TTC28: variants seen among roughly 807,000 people sequenced by gnomAD.
TTC28 encodes tetratricopeptide repeat protein 28.
A neutral mutation model predicts 198.0 loss-of-function variants in TTC28; 61 were observed. The ratio of observed to expected loss-of-function variants is 0.31; its 90% confidence interval spans 0.25 to 0.38. TTC28 has a LOEUF of 0.38. Ranked by LOEUF, TTC28 falls within the 10% of genes least tolerant of loss-of-function variation. TTC28 has a pLI of 1.00. For synonymous variants in TTC28, 1,171 were observed against 1,297.8 expected, an observed-to-expected ratio of 0.90 and a Z score of 2.10; for missense variants, 2,678 against 3,164.0, an observed-to-expected ratio of 0.85 and a Z score of 3.69.
intron 2 of TTC28, among the ~76,000 whole-genome samples, chr22:28,588,960 T>A (rs2050373803): frequency 6.6e-6 from 1 of 152,184 alleles, no homozygotes; most frequent in African/African-American, 2.4e-5. Context: ...GCCAGCAAGA[T>A]CAGATCCTAG....
chr22:28,051,850 C>A (rs978682998), intron 12 of TTC28, among the ~76,000 whole-genome samples: 1 of 152,076 alleles, frequency 6.6e-6, no homozygotes, highest in Non-Finnish European at 1.5e-5. Context: ...CAGTCTACAG[C>A]GAATTTATAT....
intron 2 of TTC28, among the ~76,000 whole-genome samples, chr22:28,337,916 A>G (rs1397302430): frequency 6.6e-6 from 1 of 152,120 alleles, no homozygotes; most frequent in Non-Finnish European, 1.5e-5. Context: ...TCGTTGGTTG[A>G]TGCAGTTTCT....
chr22:28,583,044 G>A (rs889228003), intron 2 of TTC28, among the ~76,000 whole-genome samples: 1 of 152,090 alleles, frequency 6.6e-6, no homozygotes, highest in Non-Finnish European at 1.5e-5. Context: ...TTCTTCCATA[G>A]TTACATGACG....
intron 2 of TTC28, among the ~76,000 whole-genome samples, chr22:28,484,887 C>G (rs1166635155): frequency 6.6e-6 from 1 of 152,160 alleles, no homozygotes; most frequent in Non-Finnish European, 1.5e-5. Context: ...CAGCTTGACA[C>G]AAAGTACACC....
At chr22:28,389,809 A>AT (rs1211763653) in intron 2 of TTC28, among the ~76,000 whole-genome samples, 1 of 149,834 alleles carries the variant, frequency 6.7e-6, no homozygotes, top group Admixed American at 6.6e-5. Flanking sequence ...GGATTCATTA[A>AT]TTTTTTGAAG....
intron 13 of TTC28, among the ~76,000 whole-genome samples, chr22:28,016,375 C>T (rs73880370): frequency 0.02 from 3,010 of 152,320 alleles, 97 homozygotes; most frequent in African/African-American, 0.069. Flanking sequence ...TTTGGCATGA[C>T]GCGCGGTGTC....
chr22:28,266,173 C>G (rs924442516), intron 5 of TTC28, among the ~76,000 whole-genome samples: 7 of 143,258 alleles, frequency 4.9e-5, no homozygotes, highest in Non-Finnish European at 9.1e-5. Flanking sequence ...GAGCGAGACT[C>G]TGTCTCAAAA....
chr22:28,004,935 A>G (rs1937876321), intron 14 of TTC28, among the ~76,000 whole-genome samples: 1 of 152,232 alleles, frequency 6.6e-6, no homozygotes, highest in Non-Finnish European at 1.5e-5. Context: ...CAGCCTCAGA[A>G]AGGGTGTCTG....
chr22:28,209,877 G>C (rs989993802), intron 5 of TTC28, among the ~76,000 whole-genome samples: 14 of 152,296 alleles, frequency 9.2e-5, no homozygotes, highest in African/African-American at 3.4e-4. Context: ...CTAACTGAGA[G>C]ACACCTCCCA....
intron 5 of TTC28, among the ~76,000 whole-genome samples, chr22:28,214,653 G>T (rs576048030): frequency 6.6e-6 from 1 of 152,198 alleles, no homozygotes; most frequent in Non-Finnish European, 1.5e-5. Flanking sequence ...AGAGGATGTG[G>T]AGAAATAGGA....
At position 28,552,932 on chromosome 22, in the gene TTC28, G is replaced by A. The variant is rs180776586; in HGVS notation, c.381+76620C>T. ...CTGTCGAGTGCCTGTGATTGCAGGC[G>A]CGCGCCACCATGCCTGACTGGTTTT... On this transcript the variant is annotated intron_variant, in intron 2 of 22. Transcript: ENST00000397906. Among the ~76,000 whole-genome samples, 615 of 152,244 alleles carry A rather than the reference G, an allele frequency of 4.0e-3. 6 individuals are homozygous for A. Among genetic ancestry groups the A allele is most frequent in the African/African-American group, 0.013 (530 of 41,566 alleles).
chr22:28,419,170 T>C (rs895088423), intron 2 of TTC28, among the ~76,000 whole-genome samples: 6 of 152,294 alleles, frequency 3.9e-5, no homozygotes, highest in Admixed American at 6.5e-5. Context: ...GAATCCTGTA[T>C]AACTCTCTGA....
chr22:28,594,312 C>T (rs117456789), intron 2 of TTC28, among the ~76,000 whole-genome samples: 4,327 of 149,150 alleles, frequency 0.029, 89 homozygotes, highest in Non-Finnish European at 0.048. Flanking sequence ...TTATTAATAG[C>T]AAGTAATATT....
intron 1 of TTC28, among the ~76,000 whole-genome samples, chr22:28,639,571 T>C (rs1019358890): frequency 3.3e-5 from 5 of 152,182 alleles, no homozygotes; most frequent in African/African-American, 9.7e-5. Context: ...TGGGAGCCAG[T>C]CTTTCCCATG....
At chr22:28,460,029 T>G (rs1394562837) in intron 2 of TTC28, 1 of 152,196 alleles carries the variant, frequency 6.6e-6, no homozygotes, top group Non-Finnish European at 1.5e-5. Flanking sequence ...AATTTTATTT[T>G]ACGTGTATTT....
At chr22:28,592,309 C>T (rs987615283) in intron 2 of TTC28, among the ~76,000 whole-genome samples, 3 of 152,018 alleles carry the variant, frequency 2.0e-5, no homozygotes, top group Non-Finnish European at 4.4e-5. Flanking sequence ...TATGATCATA[C>T]CACAGCATCT....
chr22:28,051,270 C>T (rs1166370848), intron 12 of TTC28, among the ~76,000 whole-genome samples: 1 of 152,200 alleles, frequency 6.6e-6, no homozygotes, highest in African/African-American at 2.4e-5. Context: ...CTTTGCAATC[C>T]CCCATCTCTG....
intron 12 of TTC28, among the ~76,000 whole-genome samples, chr22:28,083,965 G>A (rs527529144): frequency 6.6e-6 from 1 of 152,388 alleles, no homozygotes; most frequent in South Asian, 2.1e-4. Context: ...GGCTGTGGGA[G>A]GGGCGCCTGC....
At chr22:28,492,647 A>G (rs2048395392) in intron 2 of TTC28, among the ~76,000 whole-genome samples, 1 of 152,176 alleles carries the variant, frequency 6.6e-6, no homozygotes, top group African/African-American at 2.4e-5. Flanking sequence ...GAAACAACCA[A>G]TTCACATTTA....
Sources: allele counts gnomAD v4.1 joint callset (sites outside exome capture counted in the v4.1 genomes callset), GRCh38; gene constraint gnomAD v4.1.1; transcripts MANE v1.5; gene names NCBI Gene and HGNC (gene_info 2026-07-23, HGNC 2026-07-21).